The following ARHGEF38 variants were observed in gnomAD, a reference collection of about 807,000 sequenced individuals.
ARHGEF38 encodes Rho guanine nucleotide exchange factor 38.
Under a neutral mutation model 79.9 loss-of-function variants are expected in ARHGEF38, and 79 were observed. That is an observed-to-expected ratio of 0.99 (90% CI 0.82 to 1.19). ARHGEF38 has a LOEUF of 1.19. Ranked by LOEUF, ARHGEF38 falls within the 50% of genes most tolerant of loss-of-function variation. ARHGEF38 has a pLI of 0.00. For missense variants in ARHGEF38, 962 were observed against 907.2 expected (o/e 1.06, Z -0.78); for synonymous variants, 366 against 328.3 (o/e 1.11, Z -1.24).
In ARHGEF38 at chr4:105,676,497, A is replaced by T. The variant is rs151173976; in HGVS notation, c.2149-1255A>T. On this transcript the variant is annotated intron_variant, in intron 13 of 13. Coordinates refer to ENST00000420470, the MANE Select transcript of ARHGEF38 (RefSeq NM_001242729.2). ...CTTAGTAGGTACTTGAAAAATTTTCATTAAATAAATGAATGGGAATAAATA... is the reference window on the plus strand; with the variant it reads ...CTTAGTAGGTACTTGAAAAATTTTCTTTAAATAAATGAATGGGAATAAATA... 2.7e-3 allele frequency among the ~76,000 whole-genome samples: 412 copies of T among 152,340 alleles called. 1 individual carries two copies. Among genetic ancestry groups the T allele is most frequent in the African/African-American group, 8.9e-3 (371 of 41,578 alleles).
intron 2 of ARHGEF38, among the ~76,000 whole-genome samples, chr4:105,602,723 C>T (rs1017727815): frequency 1.3e-5 from 2 of 152,148 alleles, no homozygotes; most frequent in African/African-American, 4.8e-5. Flanking sequence ...TGGGCATACC[C>T]AGCAAAATCC....
chr4:105,585,552 A>G (rs1726992795), intron 1 of ARHGEF38, among the ~76,000 whole-genome samples: 1 of 152,224 alleles, frequency 6.6e-6, no homozygotes, highest in Non-Finnish European at 1.5e-5. Context: ...AGTGAAGTCA[A>G]TTACATGGTA....
chr4:105,609,744 A>G (rs1254039923), intron 2 of ARHGEF38, among the ~76,000 whole-genome samples: 1 of 152,134 alleles, frequency 6.6e-6, no homozygotes, highest in Non-Finnish European at 1.5e-5. Flanking sequence ...GGCTATTTGA[A>G]GTATATCTTG....
chr4:105,640,500 C>T (rs955046889), intron 5 of ARHGEF38, among the ~76,000 whole-genome samples: 1 of 152,048 alleles, frequency 6.6e-6, no homozygotes, highest in Non-Finnish European at 1.5e-5. Context: ...CCAAAAGAGC[C>T]CCTTCCAGAG....
chr4:105,618,725 G>A (rs1158692629), intron 3 of ARHGEF38, among the ~76,000 whole-genome samples: 1 of 152,210 alleles, frequency 6.6e-6, no homozygotes, highest in Non-Finnish European at 1.5e-5. Flanking sequence ...TGTTTAGTGG[G>A]TGAAAGTTAG....
At chr4:105,599,523 AT>A (rs145983016) in intron 2 of ARHGEF38, among the ~76,000 whole-genome samples, 1,965 of 152,308 alleles carry the variant, frequency 0.013, 51 homozygotes, top group African/African-American at 0.045. Flanking sequence ...GAGATGATGC[AT>A]AAACCACAAT....
In ARHGEF38 at chr4:105,589,257, C is replaced by G. The variant is rs568402934; in HGVS notation, c.206C>G (p.Thr69Ser). ...EYNQKLQEKMTPQGECSVAET... is the reference protein window; with the variant it reads ...EYNQKLQEKMSPQGECSVAET... ...TGTTTTCATTTAACAGAAAAGATGA[C>G]TCCACAGGGTGAGTGTTCTGTAGCT... The change falls in exon 2 of 14, where the codon ACT becomes AGT. Residue 69 changes from threonine (T) to serine (S), a missense_variant. Thr to Ser is a moderately conservative substitution (Grantham distance 58). Transcript: ENST00000420470. 4 of 1,610,992 alleles carry G rather than the reference C, an allele frequency of 2.5e-6. No individual in the cohort carries two copies. The highest frequency in any genetic ancestry group is 3.4e-6 in the Non-Finnish European group (4 of 1,179,184).
At chr4:105,584,307 C>A (rs189462075) in intron 1 of ARHGEF38, among the ~76,000 whole-genome samples, 1 of 152,172 alleles carries the variant, frequency 6.6e-6, no homozygotes, top group African/African-American at 2.4e-5. Context: ...AGAATACAAC[C>A]AATAATACAG....
chr4:105,575,440 A>G (rs1020097286), intron 1 of ARHGEF38, among the ~76,000 whole-genome samples: 1 of 151,994 alleles, frequency 6.6e-6, no homozygotes, highest in Non-Finnish European at 1.5e-5. Context: ...TTTGTGGGTC[A>G]TTTGTATATC....
intron 1 of ARHGEF38, among the ~76,000 whole-genome samples, chr4:105,558,586 A>G (rs1725363046): frequency 1.3e-5 from 2 of 152,204 alleles, no homozygotes; most frequent in Admixed American, 1.3e-4. Context: ...CTGCATATAT[A>G]GAAACCAGTG....
At chr4:105,566,910 C>T (rs138828313) in intron 1 of ARHGEF38, among the ~76,000 whole-genome samples, 79 of 152,174 alleles carry the variant, frequency 5.2e-4, no homozygotes, top group East Asian at 2.9e-3. Context: ...TGCACCACCA[C>T]GCCCAGCTAA....
In ARHGEF38 at chr4:105,626,479, A is replaced by G. The variant is rs528672363; in HGVS notation, c.509-4419A>G. On this transcript the variant is annotated intron_variant, in intron 3 of 13. Coordinates refer to ENST00000420470, the MANE Select transcript of ARHGEF38 (RefSeq NM_001242729.2). ...CTGCATTTTACAGATGAGGAAATTA[A>G]GGAACAGATAAGTAACTTTCCCAAC... Among the ~76,000 whole-genome samples the G allele has an allele frequency of 9.2e-5, 14 of 152,344 alleles. No individual in the cohort carries two copies. The South Asian group carries it at 2.9e-3, about 32-fold the overall frequency.
At chr4:105,667,406 A>G (rs1462131866) in intron 12 of ARHGEF38, 38 bp from the exon 13 acceptor site, 1 of 1,534,512 alleles carries the variant, frequency 6.5e-7, no homozygotes, top group Admixed American at 2.0e-5. Flanking sequence ...GAGTATACCC[A>G]TGAACTTGGT....
In ARHGEF38 at chr4:105,552,940, G is replaced by C; in HGVS notation, c.175G>C (p.Glu59Gln). The C allele has an allele frequency of 1.9e-6, 3 of 1,608,874 alleles. No individual in the cohort carries two copies. Among genetic ancestry groups the C allele is most frequent in the Middle Eastern group, 1.7e-4 (1 of 5,986 alleles). The change falls in exon 1 of 14, where the codon GAA (glutamate) becomes CAA (glutamine). Residue 59 changes from glutamate to glutamine, a missense_variant. Glu to Gln is a conservative substitution (Grantham distance 29, BLOSUM62 2). Coordinates refer to ENST00000420470, the MANE Select transcript of ARHGEF38 (RefSeq NM_001242729.2). ...GAGGAGGAGCCAATCTGACAGGACC[G>C]AATACAACCAGAAATTACAAGGTAA... ...TLRRSQSDRT[E>Q]YNQKLQEKMT... is the part of the protein sequence containing the mutation.
Position 105,552,668 on chromosome 4 carries a change from C to G in ARHGEF38, c.-98C>G, listed in dbSNP as rs1204678395. On this transcript the variant is annotated 5_prime_UTR_variant, in exon 1 of 14. Coordinates refer to ENST00000420470, the MANE Select transcript of ARHGEF38 (RefSeq NM_001242729.2). ...GTGAAGCGGTTTAGTTAGAAGGGAGCAGATAAACTCGTCACTCTAGTAGCT... is the reference window on the plus strand; with the variant it reads ...GTGAAGCGGTTTAGTTAGAAGGGAGGAGATAAACTCGTCACTCTAGTAGCT... 5 of 951,504 alleles carry G rather than the reference C, an allele frequency of 5.3e-6. No individual in the cohort carries two copies. Among genetic ancestry groups the G allele is most frequent in the Admixed American group, 2.7e-5 (1 of 36,784 alleles). 58.9% of individuals were successfully genotyped at this position (951,504 alleles called of 1,614,324 possible).
At chr4:105,660,921 T>C (rs1379804591) in intron 10 of ARHGEF38, among the ~76,000 whole-genome samples, 1 of 152,218 alleles carries the variant, frequency 6.6e-6, no homozygotes. Flanking sequence ...TGTGCAGCCA[T>C]TGCCACAACC....
chr4:105,562,600 T>G (rs1343053851), intron 1 of ARHGEF38, among the ~76,000 whole-genome samples: 3 of 152,216 alleles, frequency 2.0e-5, no homozygotes, highest in Non-Finnish European at 1.5e-5. Flanking sequence ...TCTTTTTAAA[T>G]GAATTTATTC....
At chr4:105,623,069 G>C (rs572145364) in intron 3 of ARHGEF38, among the ~76,000 whole-genome samples, 4 of 152,292 alleles carry the variant, frequency 2.6e-5, no homozygotes, top group African/African-American at 7.2e-5. Context: ...GGGACAACAA[G>C]ACTCCCATGG....
chr4:105,583,114 C>T (rs1449323379), intron 1 of ARHGEF38, among the ~76,000 whole-genome samples: 1 of 152,006 alleles, frequency 6.6e-6, no homozygotes, highest in Non-Finnish European at 1.5e-5. Context: ...GAATCGACTG[C>T]CTTATATTTG....
Sources: allele counts gnomAD v4.1 joint callset (sites outside exome capture counted in the v4.1 genomes callset), GRCh38; gene constraint gnomAD v4.1.1; transcripts MANE v1.5; gene names NCBI Gene and HGNC (gene_info 2026-07-23, HGNC 2026-07-21).